Variants in SCAPER observed in about 807,000 individuals in gnomAD.
SCAPER encodes the protein S phase cyclin A-associated protein in the endoplasmic reticulum.
A neutral mutation model predicts 182.2 loss-of-function variants in SCAPER; 98 were observed. That is an observed-to-expected ratio of 0.54 (90% CI 0.46 to 0.64). The LOEUF (loss-of-function observed/expected upper bound fraction) is 0.64, where lower values mean the gene tolerates loss of function less well. Ranked by LOEUF, SCAPER falls within the 30% of genes least tolerant of loss-of-function variation. The probability of loss-of-function intolerance (pLI) is 0.00; values close to 1 mark genes in which losing one functional copy is unlikely to be tolerated. For missense variants in SCAPER, 1,432 were observed against 1,690.0 expected, an observed-to-expected ratio of 0.85 and a Z score of 2.68; for synonymous variants, 605 against 564.6, an observed-to-expected ratio of 1.07 and a Z score of -1.01.
At chr15:76,873,274 AAAGGAAGGAAGGAAGGAAGGAAGG>A (rs1186656853) in intron 2 of SCAPER, among the ~76,000 whole-genome samples, 1 of 105,592 alleles carries the variant, frequency 9.5e-6, no homozygotes, top group Admixed American at 1.0e-4. Flanking sequence ...AAAGAAAGGA[AAAGGAAGGAAGGAAGGAAGGAAGG>A]AAGGAAGGAA....
At chr15:76,711,368 G>C (rs1460399800) in intron 17 of SCAPER, among the ~76,000 whole-genome samples, 1 of 152,100 alleles carries the variant, frequency 6.6e-6, no homozygotes, top group Non-Finnish European at 1.5e-5. Flanking sequence ...ATGAGCACAA[G>C]CTTTGACATT....
chr15:76,610,303 A>G (rs949556749), intron 22 of SCAPER, among the ~76,000 whole-genome samples: 8 of 152,164 alleles, frequency 5.3e-5, no homozygotes, highest in African/African-American at 1.9e-4. Context: ...CAAGAAACCA[A>G]GCATGACTAT....
chr15:76,465,132 C>T (rs1444958972), intron 25 of SCAPER, among the ~76,000 whole-genome samples: 2 of 152,070 alleles, frequency 1.3e-5, no homozygotes, highest in African/African-American at 2.4e-5. Flanking sequence ...ATATTAACGT[C>T]TGACTTATTC....
intron 17 of SCAPER, among the ~76,000 whole-genome samples, chr15:76,716,350 T>C (rs1178586885): frequency 6.6e-6 from 1 of 152,098 alleles, no homozygotes; most frequent in Non-Finnish European, 1.5e-5. Context: ...TGGAAAGATA[T>C]GACTGCACTA....
Position 76,883,860 on chromosome 15 carries a change from C to T in SCAPER, c.-43G>A. The T allele has an allele frequency of 1.4e-6, 2 of 1,441,874 alleles. No individual in the cohort carries two copies. The highest frequency in any genetic ancestry group is 1.9e-6 in the Non-Finnish European group (2 of 1,059,230). The allele number at this position is 1,441,874 out of a possible 1,614,324, so 89.3% of individuals were successfully genotyped here. A position where few individuals can be genotyped will look rare whatever the true frequency, so the allele number is the denominator to read the frequency against. On this transcript the variant is annotated 5_prime_UTR_variant, in exon 2 of 32. Transcript: ENST00000563290. Reference sequence around the variant, plus strand: ...ATGCCAAGATCATTTATCACATAAACCCATGGAGTATGACTCCTACAATAA... The same window carrying T: ...ATGCCAAGATCATTTATCACATAAATCCATGGAGTATGACTCCTACAATAA...
chr15:76,683,691 C>T (rs1005985989), intron 20 of SCAPER, among the ~76,000 whole-genome samples: 5 of 151,988 alleles, frequency 3.3e-5, no homozygotes, highest in Admixed American at 2.0e-4. Flanking sequence ...AAAGGAACCC[C>T]TATCAAGCTA....
chr15:76,862,813 T>C (rs987966402), intron 2 of SCAPER, among the ~76,000 whole-genome samples: 1 of 152,186 alleles, frequency 6.6e-6, no homozygotes, highest in African/African-American at 2.4e-5. Context: ...TGTGGACTAA[T>C]ATCTGCACCA....
intron 22 of SCAPER, among the ~76,000 whole-genome samples, chr15:76,617,636 G>T (rs985010626): frequency 1.8e-4 from 27 of 152,176 alleles, no homozygotes; most frequent in African/African-American, 5.8e-4. Flanking sequence ...CTCACAAGGA[G>T]GCTGACCCAG....
At chr15:76,374,738 C>CAGGT (rs2042425206) in intron 29 of SCAPER, among the ~76,000 whole-genome samples, 2 of 151,848 alleles carry the variant, frequency 1.3e-5, no homozygotes, top group African/African-American at 2.4e-5. Context: ...CCACCTGCCT[C>CAGGT]GGCTTCCCAA....
chr15:76,844,418 A>C (rs1381895167), intron 4 of SCAPER, among the ~76,000 whole-genome samples: 1 of 152,104 alleles, frequency 6.6e-6, no homozygotes, highest in African/African-American at 2.4e-5. Context: ...CGTGTATGAC[A>C]TTCAACATAT....
At chr15:76,384,433 C>G (rs1333457099) in intron 27 of SCAPER, among the ~76,000 whole-genome samples, 1 of 152,154 alleles carries the variant, frequency 6.6e-6, no homozygotes, top group Admixed American at 6.6e-5. Flanking sequence ...ATTTCCTCTT[C>G]CGAAGAATAT....
intron 22 of SCAPER, among the ~76,000 whole-genome samples, chr15:76,611,755 T>C (rs2051016057): frequency 6.6e-6 from 1 of 152,200 alleles, no homozygotes; most frequent in African/African-American, 2.4e-5. Context: ...CATGATTAAG[T>C]AGGCTTCAAC....
chr15:76,624,434 G>C (rs979726570), intron 21 of SCAPER, among the ~76,000 whole-genome samples: 2 of 152,172 alleles, frequency 1.3e-5, no homozygotes, highest in African/African-American at 4.8e-5. Flanking sequence ...TTCCATAGGG[G>C]CTCATGGATT....
In SCAPER at chr15:76,841,815, T is replaced by C. The variant is rs2069512071; in HGVS notation, c.312A>G (p.Ala104=). The C allele has an allele frequency of 2.5e-6, 4 of 1,613,936 alleles. No homozygotes were observed. Among genetic ancestry groups the C allele is most frequent in the Non-Finnish European group, 3.4e-6 (4 of 1,179,860 alleles). The change falls in exon 5 of 32, where the codon GCA becomes GCG. Residue 104 remains alanine (A), a synonymous_variant. Transcript: ENST00000563290. ...CTCGGCGAAGATTATCAAAAAGAAA[T>C]GCCCAGTATCGAGCTCTTAGATCAA... ...RKIDLRARYW[A]FLFDNLRRAV...
intron 10 of SCAPER, among the ~76,000 whole-genome samples, chr15:76,767,338 AG>A (rs2063177390): frequency 6.6e-6 from 1 of 152,204 alleles, no homozygotes; most frequent in Non-Finnish European, 1.5e-5. Context: ...TTTACCAGAC[AG>A]CTACGTATGA....
chr15:76,355,417 C>T (rs184823160), intron 29 of SCAPER, among the ~76,000 whole-genome samples: 22 of 152,248 alleles, frequency 1.4e-4, no homozygotes, highest in African/African-American at 5.3e-4. Flanking sequence ...GAAGAATATG[C>T]CCTATCATTT....
intron 3 of SCAPER, among the ~76,000 whole-genome samples, chr15:76,861,168 G>A (rs931427862): frequency 3.3e-5 from 5 of 152,088 alleles, no homozygotes; most frequent in African/African-American, 1.2e-4. Flanking sequence ...TATAACATAA[G>A]CCAAGGATTA....
In SCAPER at chr15:76,887,535, G is replaced by A. The variant is rs539007591; in HGVS notation, c.-59-3659C>T. On this transcript the variant is annotated intron_variant, in intron 1 of 31. Coordinates refer to ENST00000563290, the MANE Select transcript of SCAPER (RefSeq NM_020843.4). Reference sequence around the variant, plus strand: ...CTGGCTCGGTGGGTCCCACACCCACGGAGCCTTGTCACTGCTAGTGTAGCA... The same window carrying A: ...CTGGCTCGGTGGGTCCCACACCCACAGAGCCTTGTCACTGCTAGTGTAGCA... 3.9e-5 allele frequency among the ~76,000 whole-genome samples: 6 copies of A among 152,206 alleles called. No homozygotes were observed. In the South Asian group the frequency reaches 8.3e-4, roughly 21 times the overall value.
chr15:76,834,837 C>G (rs1279322274), intron 5 of SCAPER, among the ~76,000 whole-genome samples: 1 of 151,976 alleles, frequency 6.6e-6, no homozygotes, highest in Non-Finnish European at 1.5e-5. Context: ...TACAACCTGC[C>G]AAGACTGAAC....
Sources: gnomAD v4.1 joint callset for allele counts (sites outside exome capture counted in the v4.1 genomes callset) on GRCh38, gnomAD v4.1.1 for gene constraint, MANE v1.5 for transcripts, NCBI Gene and HGNC (gene_info 2026-07-23, HGNC 2026-07-21) for gene names.